Variants in ZCCHC7 observed in about 807,000 individuals in gnomAD.
ZCCHC7 encodes zinc finger CCHC domain-containing protein 7.
A neutral mutation model predicts 52.0 loss-of-function variants in ZCCHC7; 35 were observed. The observed-to-expected ratio is 0.67, with a 90% CI of 0.51 to 0.89. The LOEUF is 0.89. ZCCHC7 is among the 40% of genes least tolerant of loss of function. The pLI, the probability that ZCCHC7 is intolerant of heterozygous loss-of-function variation, is 0.00. For missense variants in ZCCHC7, 574 were observed against 649.1 expected, an observed-to-expected ratio of 0.88 and a Z score of 1.26; for synonymous variants, 217 against 221.5, an observed-to-expected ratio of 0.98 and a Z score of 0.18.
chr9:37,156,006 C>G lies in ZCCHC7; in HGVS notation c.610+29064C>G, dbSNP rs941381884. 5.9e-5 allele frequency among the ~76,000 whole-genome samples: 9 copies of G among 152,360 alleles called. No individual in the cohort carries two copies. In the East Asian group the frequency reaches 1.7e-3, roughly 29 times the overall value. On this transcript the variant is annotated intron_variant, in intron 2 of 8. Transcript: ENST00000336755. Reference sequence around the variant, plus strand: ...TCTGTAGCAAAGTGACCCCAGCGTTCCTATGCTTACACTCTCCTTTTTGGC... The same window carrying G: ...TCTGTAGCAAAGTGACCCCAGCGTTGCTATGCTTACACTCTCCTTTTTGGC...
At chr9:37,245,973 T>C (rs1826065004) in intron 2 of ZCCHC7, among the ~76,000 whole-genome samples, 2 of 152,088 alleles carry the variant, frequency 1.3e-5, no homozygotes, top group African/African-American at 4.8e-5. Flanking sequence ...AAGGGATTTA[T>C]AAGAACGATC....
chr9:37,189,022 A>G (rs1480331309), intron 2 of ZCCHC7, among the ~76,000 whole-genome samples: 1 of 106,698 alleles, frequency 9.4e-6, no homozygotes, highest in Non-Finnish European at 1.9e-5. Flanking sequence ...CAGATTTAAT[A>G]TTTTCTATAA....
chr9:37,168,827 G>A (rs1219091680), intron 2 of ZCCHC7, among the ~76,000 whole-genome samples: 1 of 152,132 alleles, frequency 6.6e-6, no homozygotes, highest in Non-Finnish European at 1.5e-5. Context: ...ATGCTGGAGG[G>A]ACACAGCCAA....
intron 2 of ZCCHC7, among the ~76,000 whole-genome samples, chr9:37,191,684 A>G (rs955486471): frequency 8.5e-5 from 13 of 152,240 alleles, no homozygotes; most frequent in African/African-American, 3.1e-4. Flanking sequence ...GCTAAAGGTA[A>G]GGTTCAGGCT....
chr9:37,258,797 G>A (rs67030159), intron 2 of ZCCHC7, among the ~76,000 whole-genome samples: 10,228 of 146,374 alleles, frequency 0.07, 495 homozygotes, highest in Non-Finnish European at 0.11. Flanking sequence ...TTTGTTCTGA[G>A]GGCTTAATTG....
At chr9:37,211,472 T>A (rs1011216638) in intron 2 of ZCCHC7, among the ~76,000 whole-genome samples, 1 of 152,200 alleles carries the variant, frequency 6.6e-6, no homozygotes, top group African/African-American at 2.4e-5. Flanking sequence ...CATCAAATAC[T>A]GAGTTCTCTC....
chr9:37,285,711 T>C (rs16933991), intron 2 of ZCCHC7, among the ~76,000 whole-genome samples: 5,908 of 152,272 alleles, frequency 0.039, 394 homozygotes, highest in African/African-American at 0.13. Context: ...CAGATGACAA[T>C]TGACTATTAA....
intron 2 of ZCCHC7, among the ~76,000 whole-genome samples, chr9:37,269,646 A>G (rs1209670479): frequency 1.4e-5 from 2 of 146,060 alleles, no homozygotes; most frequent in African/African-American, 5.2e-5. Flanking sequence ...AAAAAAAAAA[A>G]CAAAAGAAGT....
chr9:37,259,102 T>C (rs1374944704), intron 2 of ZCCHC7, among the ~76,000 whole-genome samples: 1 of 152,164 alleles, frequency 6.6e-6, no homozygotes, highest in Non-Finnish European at 1.5e-5. Flanking sequence ...GGTTAGCGTC[T>C]AATGGTCGGG....
intron 2 of ZCCHC7, among the ~76,000 whole-genome samples, chr9:37,131,502 G>C (rs926832257): frequency 1.3e-5 from 2 of 151,902 alleles, no homozygotes; most frequent in Non-Finnish European, 2.9e-5. Flanking sequence ...AAAATTAGCC[G>C]GGCATTCTGG....
intron 2 of ZCCHC7, among the ~76,000 whole-genome samples, chr9:37,262,419 CTTACTAG>C (rs1283232735): frequency 6.6e-6 from 1 of 152,128 alleles, no homozygotes; most frequent in Non-Finnish European, 1.5e-5. Context: ...AATAATTTTT[CTTACTAG>C]TTACTTGTTG....
At chr9:37,272,223 A>G (rs1827451819) in intron 2 of ZCCHC7, among the ~76,000 whole-genome samples, 1 of 152,140 alleles carries the variant, frequency 6.6e-6, no homozygotes, top group South Asian at 2.1e-4. Flanking sequence ...ACTTTCATAA[A>G]TATCTGCTGG....
chr9:37,206,074 A>C (rs981481815), intron 2 of ZCCHC7, among the ~76,000 whole-genome samples: 1 of 152,140 alleles, frequency 6.6e-6, no homozygotes. Flanking sequence ...CACTCTTGCT[A>C]TCTTTTCTGC....
intron 2 of ZCCHC7, among the ~76,000 whole-genome samples, chr9:37,217,595 A>G (rs914053924): frequency 2.7e-4 from 41 of 152,328 alleles, no homozygotes; most frequent in African/African-American, 9.1e-4. Context: ...CAGCTGAAAA[A>G]AAATCCGTGT....
intron 6 of ZCCHC7, among the ~76,000 whole-genome samples, chr9:37,345,427 C>T (rs1409951550): frequency 1.3e-5 from 2 of 152,268 alleles, no homozygotes; most frequent in Admixed American, 1.3e-4. Context: ...TACATGCGTA[C>T]CTGTTAAAAC....
chr9:37,191,945 C>T (rs941147197), intron 2 of ZCCHC7, among the ~76,000 whole-genome samples: 6 of 152,174 alleles, frequency 3.9e-5, no homozygotes, highest in South Asian at 2.1e-4. Flanking sequence ...TGTAGAAAAC[C>T]GCCTAACAGC....
At chr9:37,256,542 CTAGT>C (rs919396611) in intron 2 of ZCCHC7, among the ~76,000 whole-genome samples, 45 of 151,914 alleles carry the variant, frequency 3.0e-4, no homozygotes, top group Admixed American at 6.6e-4. Flanking sequence ...TTTTAAAAAG[CTAGT>C]TAGTTTCACT....
At chr9:37,132,207 G>C (rs1842814558) in intron 2 of ZCCHC7, among the ~76,000 whole-genome samples, 1 of 152,070 alleles carries the variant, frequency 6.6e-6, no homozygotes, top group Non-Finnish European at 1.5e-5. Flanking sequence ...AATTTGTGAG[G>C]GGGATCTCAA....
chr9:37,201,924 A>C (rs1823652853), intron 2 of ZCCHC7, among the ~76,000 whole-genome samples: 1 of 152,234 alleles, frequency 6.6e-6, no homozygotes, highest in Admixed American at 6.5e-5. Flanking sequence ...CAACTTACGC[A>C]TCCTAAATGT....
Sources: gnomAD v4.1 joint callset for allele counts (sites outside exome capture counted in the v4.1 genomes callset) on GRCh38, gnomAD v4.1.1 for gene constraint, MANE v1.5 for transcripts, NCBI Gene and HGNC (gene_info 2026-07-23, HGNC 2026-07-21) for gene names.